Variants in ARL6IP5 observed in about 807,000 individuals in gnomAD.
ARL6IP5 encodes ARF like GTPase 6 interacting protein 5, also known as PRA1 family protein 3.
Under a neutral mutation model 13.0 loss-of-function variants are expected in ARL6IP5, and 6 were observed. The ratio of observed to expected loss-of-function variants is 0.46; its 90% CI spans 0.25 to 0.91. The LOEUF (loss-of-function observed/expected upper bound fraction) is 0.91, where lower values mean the gene tolerates loss of function less well. ARL6IP5 is among the 40% of genes least tolerant of loss of function. The pLI is 0.17. For missense variants in ARL6IP5, 208 were observed against 248.8 expected (o/e 0.84, Z 1.10); for synonymous variants, 91 against 91.9 (o/e 0.99, Z 0.06).
At chr3:69,090,644 A>C (rs2092262428) in intron 1 of ARL6IP5, among the ~76,000 whole-genome samples, 1 of 152,098 alleles carries the variant, frequency 6.6e-6, no homozygotes, top group African/African-American at 2.4e-5. Context: ...TACTATCCTA[A>C]CCCACAGCTC....
chr3:69,099,135 G>A (rs920745572), intron 1 of ARL6IP5, among the ~76,000 whole-genome samples: 4 of 98,640 alleles, frequency 4.1e-5, no homozygotes, highest in Non-Finnish European at 5.8e-5. Flanking sequence ...GGGGCGGGGG[G>A]GGTGGGGGGT....
intron 1 of ARL6IP5, among the ~76,000 whole-genome samples, chr3:69,101,272 G>C (rs542729898): frequency 6.7e-6 from 1 of 148,980 alleles, no homozygotes; most frequent in Non-Finnish European, 1.5e-5. Flanking sequence ...GACCTCTAAC[G>C]AGATACTTTG....
intron 1 of ARL6IP5, among the ~76,000 whole-genome samples, chr3:69,094,482 A>G (rs1158464040): frequency 6.6e-6 from 1 of 152,196 alleles, no homozygotes; most frequent in African/African-American, 2.4e-5. Context: ...ATTTGCAGTG[A>G]TCCCTCTGGC....
At chr3:69,096,667 A>AATC (rs2092288236) in intron 1 of ARL6IP5, among the ~76,000 whole-genome samples, 1 of 146,408 alleles carries the variant, frequency 6.8e-6, no homozygotes, top group South Asian at 2.1e-4. Flanking sequence ...GCAGTGGCAC[A>AATC]ATCTCGGCTC....
At chr3:69,095,605 G>A (rs916683092) in intron 1 of ARL6IP5, among the ~76,000 whole-genome samples, 2 of 150,416 alleles carry the variant, frequency 1.3e-5, no homozygotes, top group Admixed American at 6.7e-5. Flanking sequence ...AGTGATTCTC[G>A]TGTCTCAGCC....
chr3:69,089,964 A>C (rs1412364579), intron 1 of ARL6IP5: 5 of 420,316 alleles, frequency 1.2e-5, no homozygotes, highest in African/African-American at 1.0e-4. Context: ...CAAGATGGTA[A>C]GGAGTTTCTA....
chr3:69,095,906 G>GTCTT (rs2092285402), intron 1 of ARL6IP5, among the ~76,000 whole-genome samples: 2 of 152,196 alleles, frequency 1.3e-5, no homozygotes, highest in African/African-American at 4.8e-5. Flanking sequence ...TGTCCTAAAA[G>GTCTT]TCTTTGGGGT....
At position 69,105,437 on chromosome 3, in the gene ARL6IP5, A is replaced by G. The variant is rs2092319639; in HGVS notation, c.*801A>G. 1 of 152,258 alleles carries G rather than the reference A, an allele frequency of 6.6e-6. No homozygotes were observed. Among genetic ancestry groups the G allele is most frequent in the Admixed American group, 6.5e-5 (1 of 15,290 alleles). 9.4% of individuals were successfully genotyped at this position (152,258 alleles called of 1,614,324 possible). A position where few individuals can be genotyped will look rare whatever the true frequency, so the allele number is the denominator to read the frequency against. On this transcript the variant is annotated 3_prime_UTR_variant, in exon 3 of 3. Coordinates refer to ENST00000273258, the MANE Select transcript of ARL6IP5 (RefSeq NM_006407.4). Reference sequence around the variant, plus strand: ...ATTTTTTGTTGTTACAGTGAAAAAAATGGTCCAAGAAAATGTTTGCCATTT... The same window carrying G: ...ATTTTTTGTTGTTACAGTGAAAAAAGTGGTCCAAGAAAATGTTTGCCATTT...
At chr3:69,094,026 G>GTC (rs1193458237) in intron 1 of ARL6IP5, among the ~76,000 whole-genome samples, 4 of 152,224 alleles carry the variant, frequency 2.6e-5, no homozygotes, top group Non-Finnish European at 5.9e-5. Flanking sequence ...GCTGAGCTGA[G>GTC]ACTTGAAGGA....
intron 1 of ARL6IP5, among the ~76,000 whole-genome samples, chr3:69,088,425 C>T (rs1316688023): frequency 6.6e-6 from 1 of 152,160 alleles, no homozygotes; most frequent in African/African-American, 2.4e-5. Flanking sequence ...GCCTCAAGGG[C>T]ATTGTAGGAG....
At chr3:69,094,990 G>A (rs1452851460) in intron 1 of ARL6IP5, among the ~76,000 whole-genome samples, 1 of 152,118 alleles carries the variant, frequency 6.6e-6, no homozygotes, top group Non-Finnish European at 1.5e-5. Flanking sequence ...TAGCCACCTT[G>A]TTTCAGAGAG....
intron 1 of ARL6IP5, among the ~76,000 whole-genome samples, chr3:69,087,619 C>T (rs1177823996): frequency 2.6e-5 from 4 of 152,216 alleles, no homozygotes; most frequent in Non-Finnish European, 5.9e-5. Context: ...AATATAGCTC[C>T]GTCAGTATTG....
intron 1 of ARL6IP5, 34 bp from the exon 2 acceptor site, chr3:69,101,805 A>T (rs1337098259): frequency 1.3e-6 from 2 of 1,562,464 alleles, no homozygotes; most frequent in Non-Finnish European, 1.8e-6. Flanking sequence ...TTGCTGAACT[A>T]GTCACCCCTC....
chr3:69,096,974 G>A (rs1289448534), intron 1 of ARL6IP5, among the ~76,000 whole-genome samples: 1 of 150,974 alleles, frequency 6.6e-6, no homozygotes, highest in Admixed American at 6.6e-5. Context: ...CTTTGTAAAG[G>A]GTTTTTTACA....
chr3:69,092,332 T>C (rs899495206), intron 1 of ARL6IP5, among the ~76,000 whole-genome samples: 1 of 152,100 alleles, frequency 6.6e-6, no homozygotes, highest in African/African-American at 2.4e-5. Flanking sequence ...ATGCAGAAAT[T>C]GGGGGTTAGT....
At position 69,104,714 on chromosome 3, in the gene ARL6IP5, G is replaced by GT; in HGVS notation, c.*83dup. On this transcript the variant is annotated 3_prime_UTR_variant, in exon 3 of 3. Coordinates refer to ENST00000273258, the MANE Select transcript of ARL6IP5 (RefSeq NM_006407.4). ...TTGTCCAGACCTATGTTCTGCTTGCGTTTTTGAAACAGGAGGTGCACGTAC... is the reference window on the plus strand; with the variant it reads ...TTGTCCAGACCTATGTTCTGCTTGCGTTTTTTGAAACAGGAGGTGCACGTAC... 1 of 1,528,290 alleles carries GT rather than the reference G, an allele frequency of 6.5e-7. No individual in the cohort carries two copies. The allele number at this position is 1,528,290 out of a possible 1,614,324, so 94.7% of individuals were successfully genotyped here.
intron 2 of ARL6IP5, among the ~76,000 whole-genome samples, chr3:69,103,128 A>G (rs1438149111): frequency 3.3e-5 from 5 of 152,264 alleles, no homozygotes; most frequent in Non-Finnish European, 5.9e-5. Flanking sequence ...CCTATTGGAT[A>G]AAATATCTGA....
At chr3:69,102,227 G>A (rs550914054) in intron 2 of ARL6IP5, 171 bp downstream of exon 2, 15 of 674,322 alleles carry the variant, frequency 2.2e-5, no homozygotes, top group Non-Finnish European at 3.3e-5. Context: ...ACACAGAACT[G>A]AGGTCAAGAA....
intron 1 of ARL6IP5, among the ~76,000 whole-genome samples, chr3:69,095,218 A>G (rs1295960149): frequency 6.6e-6 from 1 of 152,168 alleles, no homozygotes; most frequent in Non-Finnish European, 1.5e-5. Flanking sequence ...ATTGGACTAG[A>G]CTGATTCATC....
Sources: allele counts gnomAD v4.1 joint callset (sites outside exome capture counted in the v4.1 genomes callset), GRCh38; gene constraint gnomAD v4.1.1; transcripts MANE v1.5; gene names NCBI Gene and HGNC (gene_info 2026-07-23, HGNC 2026-07-21).